The following LAPTM4B variants were observed in gnomAD, a reference collection of about 807,000 sequenced individuals.
The protein encoded by LAPTM4B is lysosomal protein transmembrane 4 beta.
In LAPTM4B, 26 loss-of-function variants were observed where a neutral mutation model predicts 28.5. The observed-to-expected ratio is 0.91, with a 90% CI of 0.67 to 1.27. The LOEUF is 1.27. Among genes scored for constraint, LAPTM4B ranks in the 50% most tolerant of loss-of-function variants. The probability of loss-of-function intolerance (pLI) is 0.00; values close to 1 mark genes in which losing one functional copy is unlikely to be tolerated. For synonymous variants in LAPTM4B, 109 were observed against 106.4 expected, an observed-to-expected ratio of 1.02 and a Z score of -0.15; for missense variants, 288 against 285.8, an observed-to-expected ratio of 1.01 and a Z score of -0.06.
At chr8:97,813,534 T>G (rs374367520) in intron 2 of LAPTM4B, among the ~76,000 whole-genome samples, 55 of 152,368 alleles carry the variant, frequency 3.6e-4, no homozygotes, top group African/African-American at 1.3e-3. Context: ...AACAATACTT[T>G]GCATCCTTCA....
At chr8:97,802,013 C>T (rs1417661319) in intron 1 of LAPTM4B, among the ~76,000 whole-genome samples, 1 of 152,106 alleles carries the variant, frequency 6.6e-6, no homozygotes, top group African/African-American at 2.4e-5. Context: ...TTGTTAATCA[C>T]ACTGTTTAAA....
intron 6 of LAPTM4B, among the ~76,000 whole-genome samples, chr8:97,839,497 A>G (rs1817313426): frequency 6.6e-6 from 1 of 152,172 alleles, no homozygotes; most frequent in African/African-American, 2.4e-5. Flanking sequence ...CCGGCCACCA[A>G]CAATAAAATT....
intron 4 of LAPTM4B, 52 bp downstream of exon 4, chr8:97,816,232 C>G (rs746081008): frequency 6.4e-7 from 1 of 1,559,110 alleles, no homozygotes; most frequent in Non-Finnish European, 8.7e-7. Context: ...ATTAGGGAAG[C>G]TGGTTAAGTA....
At chr8:97,844,116 A>AG (rs374541639) in intron 6 of LAPTM4B, among the ~76,000 whole-genome samples, 1 of 145,252 alleles carries the variant, frequency 6.9e-6, no homozygotes, top group Non-Finnish European at 1.5e-5. Context: ...GGATGGGGAG[A>AG]GGGGGGTCTC....
At chr8:97,780,357 G>A (rs968111607) in intron 1 of LAPTM4B, among the ~76,000 whole-genome samples, 1 of 151,414 alleles carries the variant, frequency 6.6e-6, no homozygotes, top group East Asian at 2.0e-4. Context: ...CCCAGGAGGC[G>A]GAGGTTGCAG....
chr8:97,821,825 AG>A (rs1817007982), intron 5 of LAPTM4B, among the ~76,000 whole-genome samples: 1 of 152,188 alleles, frequency 6.6e-6, no homozygotes, highest in Non-Finnish European at 1.5e-5. Flanking sequence ...ATAGGCCACA[AG>A]GGGTTATAGA....
chr8:97,850,941 C>T (rs1817514662), intron 6 of LAPTM4B, among the ~76,000 whole-genome samples: 2 of 151,256 alleles, frequency 1.3e-5, no homozygotes, highest in South Asian at 4.2e-4. Flanking sequence ...AAGGAACTTA[C>T]CCAAGGCTAC....
chr8:97,798,472 G>T (rs1563605448), intron 1 of LAPTM4B, among the ~76,000 whole-genome samples: 1 of 152,162 alleles, frequency 6.6e-6, no homozygotes, highest in East Asian at 1.9e-4. Flanking sequence ...TGTGTAATGA[G>T]CTTACCTGTC....
intron 6 of LAPTM4B, among the ~76,000 whole-genome samples, chr8:97,845,260 G>C (rs1001020926): frequency 2.0e-5 from 3 of 151,904 alleles, no homozygotes; most frequent in African/African-American, 7.3e-5. Flanking sequence ...GTTCAGTGCA[G>C]AGTTCTGTAG....
rs551909689 is a variant in LAPTM4B at position 97,837,461 on chromosome 8, C to T, written c.603+12308C>T. Among the ~76,000 whole-genome samples, 6 of 152,202 alleles carry T rather than the reference C, an allele frequency of 3.9e-5. No homozygotes were observed. In the South Asian group the frequency reaches 6.2e-4, roughly 16 times the overall value. On this transcript the variant is annotated intron_variant, in intron 6 of 6. Coordinates refer to ENST00000521545, the MANE Select transcript of LAPTM4B (RefSeq NM_018407.6). ...ACCTGCCTTGGCCACCCGAAGTGCT[C>T]CTGCCACTTTTAAAAGCAGGTTATT...
intron 1 of LAPTM4B, among the ~76,000 whole-genome samples, chr8:97,798,019 TAGAGCATA>T (rs1316458917): frequency 2.2e-5 from 2 of 91,972 alleles, no homozygotes; most frequent in African/African-American, 9.5e-5. Flanking sequence ...TTAGCTGAAT[TAGAGCATA>T]AGTGTGTCCC....
chr8:97,839,933 G>A (rs772244132), intron 6 of LAPTM4B, among the ~76,000 whole-genome samples: 1 of 152,192 alleles, frequency 6.6e-6, no homozygotes, highest in Non-Finnish European at 1.5e-5. Context: ...GGAGGCAGGT[G>A]AAATGGGAGT....
chr8:97,849,086 A>G (rs938550092), intron 6 of LAPTM4B, among the ~76,000 whole-genome samples: 4 of 152,102 alleles, frequency 2.6e-5, no homozygotes, highest in African/African-American at 9.7e-5. Context: ...TTCTCCCTTC[A>G]GTGTTCACTG....
chr8:97,813,617 A>G (rs1816860238), intron 2 of LAPTM4B, among the ~76,000 whole-genome samples: 2 of 152,236 alleles, frequency 1.3e-5, no homozygotes, highest in Admixed American at 6.5e-5. Flanking sequence ...CCTGTTTGCC[A>G]CTGGCTAAGA....
At position 97,852,095 on chromosome 8, in the gene LAPTM4B, G is replaced by C. The variant is rs8879; in HGVS notation, c.*621G>C. ...CAGGCCGTGGGAGCAGTGACCATCT[G>C]CTGACTGTTCTTGTGGATCTTGTGT... On this transcript the variant is annotated 3_prime_UTR_variant, in exon 7 of 7. Coordinates refer to ENST00000521545, the MANE Select transcript of LAPTM4B (RefSeq NM_018407.6). The C allele has an allele frequency of 1.3e-5, 2 of 152,960 alleles. No individual in the cohort carries two copies. Among genetic ancestry groups the C allele is most frequent in the East Asian group, 3.8e-4 (2 of 5,212 alleles). 9.5% of individuals were successfully genotyped at this position (152,960 alleles called of 1,614,324 possible). A position where few individuals can be genotyped will look rare whatever the true frequency, so the allele number is the denominator to read the frequency against.
At chr8:97,823,829 C>CT (rs1451024685) in intron 5 of LAPTM4B, among the ~76,000 whole-genome samples, 10 of 151,742 alleles carry the variant, frequency 6.6e-5, no homozygotes, top group African/African-American at 2.2e-4. Context: ...TCCTGAGTAG[C>CT]TGGGACTACA....
chr8:97,828,986 G>A (rs1261965490), intron 6 of LAPTM4B, among the ~76,000 whole-genome samples: 5 of 152,160 alleles, frequency 3.3e-5, no homozygotes, highest in African/African-American at 2.4e-5. Context: ...GTGCCTGTCC[G>A]GTTAGCAGGG....
chr8:97,818,770 C>G (rs551130852), intron 4 of LAPTM4B, among the ~76,000 whole-genome samples: 1 of 151,816 alleles, frequency 6.6e-6, no homozygotes, highest in Non-Finnish European at 1.5e-5. Flanking sequence ...GGCATGATCT[C>G]GCTCACTGCA....
At chr8:97,829,595 G>T (rs1443921474) in intron 6 of LAPTM4B, among the ~76,000 whole-genome samples, 2 of 152,126 alleles carry the variant, frequency 1.3e-5, no homozygotes, top group Non-Finnish European at 2.9e-5. Flanking sequence ...GTGTGGAATT[G>T]ATGTAGGGAG....
Sources: allele counts gnomAD v4.1 joint callset (sites outside exome capture counted in the v4.1 genomes callset), GRCh38; gene constraint gnomAD v4.1.1; transcripts MANE v1.5; gene names NCBI Gene and HGNC (gene_info 2026-07-23, HGNC 2026-07-21).